Variants in ANGPT2 observed in about 807,000 individuals in gnomAD.
ANGPT2 encodes angiopoietin-2.
Under a neutral mutation model 62.9 loss-of-function variants are expected in ANGPT2, and 28 were observed. The observed-to-expected ratio is 0.44, with a 90% CI of 0.33 to 0.61. ANGPT2 has a LOEUF of 0.61. ANGPT2 is among the 20% of genes least tolerant of loss of function. The probability of loss-of-function intolerance (pLI) is 0.03; values close to 1 mark genes in which losing one functional copy is unlikely to be tolerated. For missense variants in ANGPT2, 727 were observed against 594.9 expected, an observed-to-expected ratio of 1.22 and a Z score of -2.31; for synonymous variants, 284 against 207.8, an observed-to-expected ratio of 1.37 and a Z score of -3.15.
chr8:6,513,518 A>G (rs1815618055), intron 7 of ANGPT2, among the ~76,000 whole-genome samples, 160 bp downstream of exon 7: 1 of 152,034 alleles, frequency 6.6e-6, no homozygotes, highest in Non-Finnish European at 1.5e-5. Context: ...TACTTCTAGT[A>G]GAGACAGGGT....
intron 1 of ANGPT2, among the ~76,000 whole-genome samples, chr8:6,541,494 G>A (rs1388762350): frequency 6.6e-6 from 1 of 152,170 alleles, no homozygotes; most frequent in African/African-American, 2.4e-5. Context: ...GGAAACCAAA[G>A]CCAGGGTTGT....
At chr8:6,514,821 C>A in intron 5 of ANGPT2, 43 bp from the exon 6 acceptor site, 2 of 1,551,324 alleles carry the variant, frequency 1.3e-6, no homozygotes, top group Non-Finnish European at 1.8e-6. Flanking sequence ...AGCCCCCCCA[C>A]TCCCCCCTTA....
chr8:6,561,160 A>G (rs1825476692), intron 1 of ANGPT2, among the ~76,000 whole-genome samples: 2 of 152,226 alleles, frequency 1.3e-5, no homozygotes, highest in African/African-American at 4.8e-5. Flanking sequence ...AATTATTCAC[A>G]CAGCTATGAA....
Position 6,513,785 on chromosome 8 carries a change from A to G in ANGPT2, c.1089T>C (p.Thr363=). The G allele has an allele frequency of 6.2e-7, 1 of 1,614,070 alleles. No individual in the cohort carries two copies. The change falls in exon 7 of 9, where the codon ACT becomes ACC. Residue 363 remains threonine, a synonymous_variant. Transcript: ENST00000629816. The stretch of plus-strand genomic sequence containing the variant: ...TTTTAAGCACATAGCGTTGCTGATT[A>G]GTCAGTTGCGAAACAAACTCATTTC... ...WLGNEFVSQL[T]NQQRYVLKIH...
chr8:6,545,945 T>C (rs577977248), intron 1 of ANGPT2, among the ~76,000 whole-genome samples: 16 of 152,348 alleles, frequency 1.1e-4, no homozygotes, highest in African/African-American at 3.4e-4. Flanking sequence ...TTTGTTCATA[T>C]TGAATTGAGT....
In ANGPT2 at chr8:6,499,832, G is replaced by C. The variant is rs1203860412; in HGVS notation, c.*3269C>G. ...AGGCTAATAAATGTATAATAAATCT[G>C]CTTGTTGTGTCACTTGCAGGTGCTA... On this transcript the variant is annotated 3_prime_UTR_variant, in exon 9 of 9. Coordinates refer to ENST00000629816, the MANE Select transcript of ANGPT2 (RefSeq NM_001118887.2). The C allele has an allele frequency of 6.2e-7, 1 of 1,610,334 alleles. No individual in the cohort carries two copies. The highest frequency in any genetic ancestry group is 1.7e-5 in the Admixed American group (1 of 60,024).
chr8:6,532,574 T>TAAAAA (rs10662997), intron 1 of ANGPT2, 87 bp from the exon 2 acceptor site: 109 of 590,324 alleles, frequency 1.8e-4, no homozygotes, highest in South Asian at 2.5e-4. Flanking sequence ...TCCCTATCTT[T>TAAAAA]AAAAAAAAAA....
intron 8 of ANGPT2, among the ~76,000 whole-genome samples, chr8:6,505,439 C>G (rs1473021027): frequency 1.4e-5 from 1 of 70,678 alleles, no homozygotes; most frequent in Non-Finnish European, 2.8e-5. Flanking sequence ...TATATATATT[C>G]TTTATATACA....
chr8:6,546,149 G>A (rs1235268733), intron 1 of ANGPT2, among the ~76,000 whole-genome samples: 1 of 152,238 alleles, frequency 6.6e-6, no homozygotes, highest in East Asian at 1.9e-4. Context: ...TGCTATGCTA[G>A]TGTGAAAATT....
chr8:6,518,414 C>A (rs915103843), intron 5 of ANGPT2, among the ~76,000 whole-genome samples: 2 of 152,258 alleles, frequency 1.3e-5, no homozygotes, highest in South Asian at 4.2e-4. Flanking sequence ...CCCTTCCTTC[C>A]CTGTTGTATG....
At chr8:6,510,889 CAT>C (rs762190616) in intron 7 of ANGPT2, among the ~76,000 whole-genome samples, 6 of 152,196 alleles carry the variant, frequency 3.9e-5, no homozygotes, top group Non-Finnish European at 7.3e-5. Context: ...TATTTTCCCA[CAT>C]GTTTCAAAAG....
At chr8:6,518,232 C>G (rs1337113991) in intron 5 of ANGPT2, among the ~76,000 whole-genome samples, 1 of 152,174 alleles carries the variant, frequency 6.6e-6, no homozygotes, top group Non-Finnish European at 1.5e-5. Flanking sequence ...CCTCTGTCCC[C>G]CCTCTTGACA....
At chr8:6,522,946 G>C (rs17077313) in intron 3 of ANGPT2, among the ~76,000 whole-genome samples, 13,073 of 151,958 alleles carry the variant, frequency 0.086, 722 homozygotes, top group African/African-American at 0.15. Flanking sequence ...CCAGCGCTAT[G>C]GCATGTACTT....
At chr8:6,504,579 A>T (rs951536028) in intron 8 of ANGPT2, among the ~76,000 whole-genome samples, 6 of 152,156 alleles carry the variant, frequency 3.9e-5, no homozygotes, top group Non-Finnish European at 7.3e-5. Context: ...TGCAAGAGTG[A>T]TGATGCTGGC....
chr8:6,542,324 GTGTA>G (rs1212683799), intron 1 of ANGPT2, among the ~76,000 whole-genome samples: 8 of 152,062 alleles, frequency 5.3e-5, no homozygotes, highest in African/African-American at 1.2e-4. Flanking sequence ...CTGTGTGTGT[GTGTA>G]TGTATGTGTG....
intron 1 of ANGPT2, among the ~76,000 whole-genome samples, chr8:6,557,138 C>G (rs913901407): frequency 6.6e-6 from 1 of 152,222 alleles, no homozygotes; most frequent in African/African-American, 2.4e-5. Context: ...CAGCAGTTTT[C>G]TGCAGTCTTC....
intron 1 of ANGPT2, among the ~76,000 whole-genome samples, chr8:6,554,302 AAGAG>A (rs1266613942): frequency 6.9e-6 from 1 of 145,368 alleles, no homozygotes; most frequent in Non-Finnish European, 1.5e-5. Context: ...GGATTTTAAA[AAGAG>A]AGAAAAAAAA....
At chr8:6,503,643 A>G (rs1563301456) in intron 8 of ANGPT2, among the ~76,000 whole-genome samples, 1 of 152,204 alleles carries the variant, frequency 6.6e-6, no homozygotes, top group East Asian at 1.9e-4. Flanking sequence ...TCCCAGCAAC[A>G]TGGTGGGCTG....
In ANGPT2 at chr8:6,527,665, C is replaced by G. The variant is rs1228385194; in HGVS notation, c.456G>C (p.Gln152His). Residue 152 changes from glutamine to histidine, a missense_variant, in exon 3 of 9, where the codon CAG (glutamine) becomes CAC (histidine). By Grantham distance (24) the Gln-to-His change is conservative. Coordinates refer to ENST00000629816, the MANE Select transcript of ANGPT2 (RefSeq NM_001118887.2). ...AGAGCTGAAGTTCAAGTCTCGTGGT[C>G]TGATTTAATACCTAAATGTAACAAA... is the stretch of plus-strand genomic sequence containing the variant. ...LTDVEAQVLN[Q>H]TTRLELQLLE... The G allele has an allele frequency of 3.1e-6, 5 of 1,613,416 alleles. No homozygotes were observed. In the African/African-American group the frequency reaches 5.3e-5, roughly 17 times the overall value.
Sources: allele counts gnomAD v4.1 joint callset (sites outside exome capture counted in the v4.1 genomes callset), GRCh38; gene constraint gnomAD v4.1.1; transcripts MANE v1.5; gene names NCBI Gene and HGNC (gene_info 2026-07-23, HGNC 2026-07-21).